ZNF710: variants seen among roughly 807,000 people sequenced by gnomAD.
The protein encoded by ZNF710 is zinc finger protein 710.
ZNF710 carries 13 observed loss-of-function variants against 50.6 expected under a neutral mutation model. The observed-to-expected ratio is 0.26, with a 90% CI of 0.17 to 0.41. The LOEUF is 0.41. Among genes scored for constraint, ZNF710 ranks in the 10% least tolerant of loss-of-function variants. The pLI is 1.00. For missense variants in ZNF710, 721 were observed against 936.6 expected (o/e 0.77, Z 3.01); for synonymous variants, 383 against 397.0 (o/e 0.96, Z 0.42).
At chr15:90,014,824 C>G (rs755353031) in intron 1 of ZNF710, among the ~76,000 whole-genome samples, 6 of 151,766 alleles carry the variant, frequency 4.0e-5, no homozygotes, top group Non-Finnish European at 8.8e-5. Flanking sequence ...TATCATGGAG[C>G]TCATTTCCAT....
intron 1 of ZNF710, among the ~76,000 whole-genome samples, chr15:90,049,989 A>G (rs1229675710): frequency 1.3e-5 from 2 of 152,186 alleles, no homozygotes; most frequent in Non-Finnish European, 2.9e-5. Context: ...TTGTTAGGTG[A>G]CTGAGGAAGG....
intron 1 of ZNF710, among the ~76,000 whole-genome samples, chr15:90,020,914 A>G (rs1898597760): frequency 6.6e-6 from 1 of 151,848 alleles, no homozygotes; most frequent in African/African-American, 2.4e-5. Context: ...ATCAATTAAG[A>G]TTTGGGGAAA....
intron 1 of ZNF710, among the ~76,000 whole-genome samples, chr15:90,032,259 A>C (rs896971606): frequency 6.6e-6 from 1 of 152,072 alleles, no homozygotes; most frequent in African/African-American, 2.4e-5. Context: ...CGGTCTCCCA[A>C]AGTGCTGGGA....
chr15:90,042,977 T>A (rs1179233761), intron 1 of ZNF710, among the ~76,000 whole-genome samples: 1 of 152,182 alleles, frequency 6.6e-6, no homozygotes, highest in Admixed American at 6.5e-5. Context: ...TGGTGGCCTG[T>A]AAAAAGAGCC....
At chr15:90,028,605 A>G (rs997050469) in intron 1 of ZNF710, among the ~76,000 whole-genome samples, 1 of 152,210 alleles carries the variant, frequency 6.6e-6, no homozygotes, top group Non-Finnish European at 1.5e-5. Context: ...ACACAGTGTC[A>G]TTATTCACCA....
chr15:90,026,254 C>CAAG (rs1483788585), intron 1 of ZNF710, among the ~76,000 whole-genome samples: 1 of 82,844 alleles, frequency 1.2e-5, no homozygotes, highest in Non-Finnish European at 2.4e-5. Context: ...AAAAACAAAA[C>CAAG]AACAACAACA....
chr15:90,024,027 C>G (rs1456822250), intron 1 of ZNF710, among the ~76,000 whole-genome samples: 1 of 151,962 alleles, frequency 6.6e-6, no homozygotes, highest in African/African-American at 2.4e-5. Flanking sequence ...AGGTGGCAAC[C>G]CAGAACACCC....
chr15:90,019,074 A>T (rs981985199), intron 1 of ZNF710, among the ~76,000 whole-genome samples: 11 of 147,708 alleles, frequency 7.4e-5, no homozygotes, highest in African/African-American at 2.4e-4. Flanking sequence ...CAAAAAAGAT[A>T]AAAACCACCT....
At chr15:90,005,509 C>T (rs1038766368) in intron 1 of ZNF710, among the ~76,000 whole-genome samples, 10 of 152,048 alleles carry the variant, frequency 6.6e-5, no homozygotes, top group African/African-American at 2.2e-4. Context: ...AGTGCAGTGG[C>T]GCGATCTCAG....
intron 1 of ZNF710, among the ~76,000 whole-genome samples, chr15:90,011,446 A>G (rs1318764312): frequency 6.6e-6 from 1 of 152,212 alleles, no homozygotes; most frequent in Admixed American, 6.5e-5. Context: ...TGGTGTCTAT[A>G]TATTTTTTTC....
Position 90,067,733 on chromosome 15 carries a change from T to C in ZNF710, c.596T>C (p.Phe199Ser). 6.2e-7 allele frequency: 1 copy of C among 1,602,348 alleles called. No homozygotes were observed. The highest frequency in any genetic ancestry group is 8.5e-7 in the Non-Finnish European group (1 of 1,174,820). ...TTCCCGGCCCCGGCCCGGGATGGCT[T>C]CCCCGAGCCCAGCATGGCGCTGCCT... Reference protein sequence around the residue: ...PHFPAPARDGFPEPSMALPGP... With the variant: ...PHFPAPARDGSPEPSMALPGP... Residue 199 changes from phenylalanine to serine, a missense_variant, in exon 2 of 5, where the codon TTC (phenylalanine) becomes TCC (serine). By Grantham distance (155) the Phe-to-Ser change is radical. This residue lies in a region of ZNF710 where 326 missense variants were observed against 347.1 expected (regional missense o/e 0.94). Coordinates refer to ENST00000268154, the MANE Select transcript of ZNF710 (RefSeq NM_198526.4). The surrounding 1 kb of genome is among the most constrained non-coding windows in gnomAD (Gnocchi z 8.1).
At chr15:90,013,906 A>G (rs111380833) in intron 1 of ZNF710, among the ~76,000 whole-genome samples, 4,584 of 152,196 alleles carry the variant, frequency 0.03, 93 homozygotes, top group Non-Finnish European at 0.037. Flanking sequence ...GTGAGTGTAC[A>G]CGTTCGGACC....
rs747730630 is a variant in ZNF710 at position 90,068,545 on chromosome 15, A to G, written c.1408A>G (p.Met470Val). 3.1e-6 allele frequency: 5 copies of G among 1,610,756 alleles called. No individual in the cohort carries two copies. Among genetic ancestry groups the G allele is most frequent in the African/African-American group, 1.3e-5 (1 of 74,916 alleles). ...ACCCTTCGTGTGCACTGAATGCGGC[A>G]TGGAGTTCAGCCAGATTCACCACCT... ...VRPFVCTECG[M>V]EFSQIHHLKQ... Residue 470 changes from methionine (M) to valine (V), a missense_variant, in exon 2 of 5, where the codon ATG becomes GTG. Met to Val is a conservative substitution (Grantham distance 21, BLOSUM62 1). Transcript: ENST00000268154. The surrounding 1 kb of genome is among the most constrained non-coding windows in gnomAD (Gnocchi z 5.0).
In ZNF710 at chr15:90,077,200, G is replaced by A. The variant is rs537367261; in HGVS notation, c.1826-2460G>A. Among the ~76,000 whole-genome samples, 4 of 151,044 alleles carry A rather than the reference G, an allele frequency of 2.6e-5. No individual in the cohort carries two copies. The South Asian group carries it at 6.3e-4, about 24-fold the overall frequency. On this transcript the variant is annotated intron_variant, in intron 4 of 4. Coordinates refer to ENST00000268154, the MANE Select transcript of ZNF710 (RefSeq NM_198526.4). Reference sequence around the variant, plus strand: ...TAGACTTAATAAACAAAATGGGGACGGTGTACAGAGATCCACAAGTAGAAA... The same window carrying A: ...TAGACTTAATAAACAAAATGGGGACAGTGTACAGAGATCCACAAGTAGAAA...
intron 1 of ZNF710, among the ~76,000 whole-genome samples, chr15:90,003,952 C>T (rs1335298760): frequency 6.6e-6 from 1 of 151,808 alleles, no homozygotes; most frequent in African/African-American, 2.4e-5. Flanking sequence ...TTTTCTTCCT[C>T]CAGCCTGGCC....
intron 2 of ZNF710, among the ~76,000 whole-genome samples, chr15:90,071,444 A>G (rs1213272261): frequency 1.3e-5 from 2 of 152,140 alleles, no homozygotes; most frequent in African/African-American, 4.8e-5. Flanking sequence ...GGTCATACAC[A>G]TCTGCGATGT....
At position 90,067,835 on chromosome 15, in the gene ZNF710, G is replaced by T; in HGVS notation, c.698G>T (p.Ser233Ile). Residue 233 changes from serine to isoleucine, a missense_variant, in exon 2 of 5, where the codon AGC becomes ATC. Physicochemically the swap from Ser to Ile is moderately radical, Grantham distance 142 (BLOSUM62 -2). Around this residue, in one of 3 missense-constraint regions of ZNF710, gnomAD observed 326 missense variants for 347.1 expected, o/e 0.94. Transcript: ENST00000268154. The surrounding 1 kb of genome is among the most constrained non-coding windows in gnomAD (Gnocchi z 8.1). ...CCCCTGAGTGACCCCGAGGCCCCCA[G>T]CATGGAGTCCCCGGAGCCTGTCAAG... is the stretch of plus-strand genomic sequence containing the variant. ...LAPLSDPEAP[S>I]MESPEPVKPE... 1 of 1,592,798 alleles carries T rather than the reference G, an allele frequency of 6.3e-7. No individual in the cohort carries two copies. The highest frequency in any genetic ancestry group is 8.6e-7 in the Non-Finnish European group (1 of 1,167,970).
intron 4 of ZNF710, chr15:90,074,581 C>A: frequency 1.6e-6 from 2 of 1,278,748 alleles, no homozygotes; most frequent in Non-Finnish European, 2.1e-6. Flanking sequence ...TCATGTGATC[C>A]TCAAAGCGAG....
At chr15:90,061,117 T>C (rs147495009) in intron 1 of ZNF710, among the ~76,000 whole-genome samples, 1 of 152,152 alleles carries the variant, frequency 6.6e-6, no homozygotes, top group African/African-American at 2.4e-5. Flanking sequence ...GACCTCTGTC[T>C]ATTGGTTGTT....
Sources: allele counts gnomAD v4.1 joint callset (sites outside exome capture counted in the v4.1 genomes callset), GRCh38; gene constraint gnomAD v4.1.1; regional missense constraint gnomAD v4.1.1; non-coding constraint Gnocchi (gnomAD v3.1); transcripts MANE v1.5; gene names NCBI Gene and HGNC (gene_info 2026-07-23, HGNC 2026-07-21).